Variants in DAP observed in about 807,000 individuals in gnomAD.
DAP encodes the protein death associated protein.
A neutral mutation model predicts 13.8 loss-of-function variants in DAP; 8 were observed. The observed-to-expected ratio is 0.58, with a 90% CI of 0.34 to 1.05. The LOEUF (loss-of-function observed/expected upper bound fraction) is 1.05, where lower values mean the gene tolerates loss of function less well. Ranked by LOEUF, DAP falls within the 50% of genes least tolerant of loss-of-function variation. The pLI is 0.03. For synonymous variants in DAP, 47 were observed against 47.5 expected, an observed-to-expected ratio of 0.99 and a Z score of 0.04; for missense variants, 106 against 133.2, an observed-to-expected ratio of 0.80 and a Z score of 1.01.
chr5:10,742,430 G>A (rs1739784847), intron 2 of DAP, among the ~76,000 whole-genome samples: 1 of 152,128 alleles, frequency 6.6e-6, no homozygotes, highest in Non-Finnish European at 1.5e-5. Flanking sequence ...GGGAGGCTGA[G>A]GCAGGAGAAT....
intron 1 of DAP, among the ~76,000 whole-genome samples, chr5:10,759,981 C>T (rs1740298887): frequency 6.6e-6 from 1 of 152,070 alleles, no homozygotes; most frequent in Non-Finnish European, 1.5e-5. Context: ...TCTTGAACTC[C>T]TGACCTCAAG....
chr5:10,703,450 C>T (rs1355357942), intron 2 of DAP, among the ~76,000 whole-genome samples: 1 of 152,074 alleles, frequency 6.6e-6, no homozygotes, highest in Non-Finnish European at 1.5e-5. Context: ...CTTTGCTGCG[C>T]ATCAGGTGCT....
rs766923087 is a variant in DAP at position 10,748,232 on chromosome 5, T to C, written c.95A>G (p.His32Arg). The C allele has an allele frequency of 1.1e-5, 17 of 1,614,040 alleles. No homozygotes were observed. ...TTTCTCTTCTTTGGTGTCTCCTGTA[T>C]GTGGGTGTTTCTGCACAATTCGCAT... Reference protein sequence around the residue: ...GGMRIVQKHPHTGDTKEEKDK... With the variant: ...GGMRIVQKHPRTGDTKEEKDK... The change falls in exon 2 of 4, where the codon CAT becomes CGT. Residue 32 changes from histidine (H) to arginine (R), a missense_variant. Transcript: ENST00000230895.
chr5:10,748,091 A>G (rs1739956844), intron 2 of DAP, 84 bp downstream of exon 2: 1 of 987,510 alleles, frequency 1.0e-6, no homozygotes, highest in Admixed American at 1.8e-5. Flanking sequence ...AGTTATCAGA[A>G]TCATAGAACA....
At position 10,707,887 on chromosome 5, in the gene DAP, T is replaced by G. The variant is rs117765157; in HGVS notation, c.153-24316A>C. 3.9e-4 allele frequency among the ~76,000 whole-genome samples: 59 copies of G among 152,320 alleles called. No homozygotes were observed. The East Asian group carries it at 0.011, about 29-fold the overall frequency. ...TAAATTCTCCATGAATCACATTAATTTGGTGCCTCACCCCATGCTGTCGCT... is the reference window on the plus strand; with the variant it reads ...TAAATTCTCCATGAATCACATTAATGTGGTGCCTCACCCCATGCTGTCGCT... On this transcript the variant is annotated intron_variant, in intron 2 of 3. Transcript: ENST00000230895. This position sits in a 1 kb window ranked among gnomAD's most constrained non-coding sequence, Gnocchi z 4.0.
At chr5:10,712,732 T>C (rs1738884764) in intron 2 of DAP, among the ~76,000 whole-genome samples, 1 of 152,204 alleles carries the variant, frequency 6.6e-6, no homozygotes, top group Admixed American at 6.5e-5. Context: ...CCTGTGGGTC[T>C]ACACATTAGC....
At chr5:10,683,664 G>T in intron 2 of DAP, 93 bp from the exon 3 acceptor site, 1 of 1,145,296 alleles carries the variant, frequency 8.7e-7, no homozygotes, top group Non-Finnish European at 1.3e-6. Context: ...GAGCCAGGCT[G>T]GAGGGCGTGG....
intron 2 of DAP, among the ~76,000 whole-genome samples, chr5:10,740,232 A>G (rs574698571): frequency 6.6e-5 from 10 of 152,352 alleles, no homozygotes; most frequent in Admixed American, 2.0e-4. Context: ...GAAACCATCT[A>G]CACTGAAATA....
intron 2 of DAP, among the ~76,000 whole-genome samples, chr5:10,708,442 GACAC>G (rs3836780): frequency 1.8e-4 from 27 of 147,634 alleles, no homozygotes; most frequent in East Asian, 6.4e-4. Context: ...ACACATATCA[GACAC>G]ACACACACAC....
intron 2 of DAP, among the ~76,000 whole-genome samples, chr5:10,722,697 A>C (rs1287684455): frequency 6.6e-6 from 1 of 151,734 alleles, no homozygotes; most frequent in Non-Finnish European, 1.5e-5. Context: ...CCCTGCCTGG[A>C]CCCAGATGCC....
chr5:10,748,303 G>A (rs1467562690), intron 1 of DAP, 32 bp from the exon 2 acceptor site: 2 of 1,579,232 alleles, frequency 1.3e-6, no homozygotes, highest in Admixed American at 3.3e-5. Context: ...TGGGATTAAT[G>A]TGGAAATGGG....
At position 10,711,278 on chromosome 5, in the gene DAP, G is replaced by A. The variant is rs561062977; in HGVS notation, c.153-27707C>T. On this transcript the variant is annotated intron_variant, in intron 2 of 3. Coordinates refer to ENST00000230895, the MANE Select transcript of DAP (RefSeq NM_004394.3). ...GTTGGTGGCTGAAGTCCGCTCACCC[G>A]GGGTGGCCTGGGGCTTTTACCTTCA... 3.9e-5 allele frequency among the ~76,000 whole-genome samples: 6 copies of A among 152,204 alleles called. No individual in the cohort carries two copies. In the South Asian group the frequency reaches 6.2e-4, roughly 16 times the overall value.
chr5:10,723,992 G>C (rs5745219), intron 2 of DAP, among the ~76,000 whole-genome samples: 9,571 of 152,172 alleles, frequency 0.063, 347 homozygotes, highest in African/African-American at 0.084. Context: ...TTTGGGTGCA[G>C]AAAAAAACAT....
intron 2 of DAP, among the ~76,000 whole-genome samples, chr5:10,696,552 C>G (rs1359205843): frequency 6.6e-6 from 1 of 152,174 alleles, no homozygotes; most frequent in Non-Finnish European, 1.5e-5. Context: ...GGGAATGATT[C>G]CTACTTTGTA....
rs542374135 is a variant in DAP, at chr5:10,718,164, C to T, written c.152+30011G>A. Among the ~76,000 whole-genome samples the T allele has an allele frequency of 2.0e-5, 3 of 152,350 alleles. No homozygotes were observed. The South Asian group carries it at 6.2e-4, about 32-fold the overall frequency. On this transcript the variant is annotated intron_variant, in intron 2 of 3. Coordinates refer to ENST00000230895, the MANE Select transcript of DAP (RefSeq NM_004394.3). ...AAATGATCAGACATTTCAGGGACTA[C>T]TGGACACTGGCTCTGAGCTGACGTT...
intron 1 of DAP, among the ~76,000 whole-genome samples, chr5:10,758,802 A>T (rs951085988): frequency 1.7e-4 from 26 of 152,334 alleles, no homozygotes; most frequent in African/African-American, 6.3e-4. Context: ...AGGGGTAAAT[A>T]AACTACTTAC....
intron 2 of DAP, among the ~76,000 whole-genome samples, chr5:10,726,208 A>C (rs1190327134): frequency 6.6e-6 from 1 of 152,234 alleles, no homozygotes; most frequent in East Asian, 1.9e-4. Flanking sequence ...GTCCTTATAA[A>C]TATGGTGGCC....
chr5:10,717,717 C>T (rs1579802367), intron 2 of DAP, among the ~76,000 whole-genome samples: 1 of 152,218 alleles, frequency 6.6e-6, no homozygotes, highest in Admixed American at 6.5e-5. Flanking sequence ...CAAGTGGCAG[C>T]ACTCGACCAT....
intron 1 of DAP, among the ~76,000 whole-genome samples, chr5:10,758,222 T>TAAA (rs764070266): frequency 3.3e-4 from 48 of 147,366 alleles, no homozygotes; most frequent in African/African-American, 1.2e-3. Context: ...TTTTTTTTTT[T>TAAA]AAAAACTATC....
Sources: gnomAD v4.1 joint callset for allele counts (sites outside exome capture counted in the v4.1 genomes callset) on GRCh38, gnomAD v4.1.1 for gene constraint, Gnocchi (gnomAD v3.1) non-coding constraint, MANE v1.5 for transcripts, NCBI Gene and HGNC (gene_info 2026-07-23, HGNC 2026-07-21) for gene names.